Variants in IL18 observed in about 807,000 individuals in gnomAD.
The protein encoded by IL18 is interleukin 18.
IL18 carries 8 observed loss-of-function variants against 14.2 expected under a neutral mutation model. That is an observed-to-expected ratio of 0.56 (90% CI 0.33 to 1.01). The LOEUF (loss-of-function observed/expected upper bound fraction) is 1.01, where lower values mean the gene tolerates loss of function less well. Among genes scored for constraint, IL18 ranks in the 50% least tolerant of loss-of-function variants. The probability of loss-of-function intolerance (pLI) is 0.03; values close to 1 mark genes in which losing one functional copy is unlikely to be tolerated. For missense variants in IL18, 166 were observed against 231.1 expected (o/e 0.72, Z 1.83); for synonymous variants, 67 against 71.0 (o/e 0.94, Z 0.28).
intron 5 of IL18, among the ~76,000 whole-genome samples, chr11:112,148,120 G>A (rs1866373341): frequency 2.0e-5 from 3 of 152,176 alleles, no homozygotes; most frequent in Admixed American, 2.0e-4. Flanking sequence ...TGAAGCTTGT[G>A]TCTAAGACTT....
chr11:112,156,861 G>A (rs1866543224), intron 1 of IL18, among the ~76,000 whole-genome samples: 1 of 150,966 alleles, frequency 6.6e-6, no homozygotes, highest in Non-Finnish European at 1.5e-5. Context: ...AATTTTATAA[G>A]CTATTTATAA....
intron 5 of IL18, among the ~76,000 whole-genome samples, chr11:112,146,200 T>C (rs1341154386): frequency 6.6e-6 from 1 of 152,132 alleles, no homozygotes; most frequent in African/African-American, 2.4e-5. Flanking sequence ...AAACAGACAC[T>C]GACAGTAACC....
At chr11:112,154,836 C>T (rs1219948344) in intron 2 of IL18, 139 bp downstream of exon 2, 1 of 582,252 alleles carries the variant, frequency 1.7e-6, no homozygotes, top group African/African-American at 1.9e-5. Flanking sequence ...TCTAGAGGTC[C>T]ACTATTTTTT....
chr11:112,148,098 T>C (rs1866373012), intron 5 of IL18, among the ~76,000 whole-genome samples: 1 of 152,252 alleles, frequency 6.6e-6, no homozygotes, highest in East Asian at 1.9e-4. Context: ...ATAACATACA[T>C]CAACTGGAAG....
At chr11:112,148,372 G>C (rs1866377200) in intron 5 of IL18, among the ~76,000 whole-genome samples, 1 of 152,068 alleles carries the variant, frequency 6.6e-6, no homozygotes, top group African/African-American at 2.4e-5. Flanking sequence ...CCTGTGACAG[G>C]CTCAGAAAAA....
At chr11:112,153,554 T>A in intron 3 of IL18, 38 bp downstream of exon 3, 1 of 1,469,960 alleles carries the variant, frequency 6.8e-7, no homozygotes, top group Non-Finnish European at 9.3e-7. Context: ...AAGCAGATAC[T>A]TAGTTTGCAA....
intron 2 of IL18, among the ~76,000 whole-genome samples, chr11:112,154,515 A>C (rs1418975720): frequency 6.6e-6 from 1 of 152,096 alleles, no homozygotes; most frequent in Non-Finnish European, 1.5e-5. Context: ...AACAGAAAAA[A>C]AAAAAAAAGA....
chr11:112,150,846 TTCATTTTCAGC>T (rs1181090857), intron 3 of IL18: 3 of 152,250 alleles, frequency 2.0e-5, no homozygotes, highest in African/African-American at 7.2e-5. Context: ...CATCTCTGTT[TTCATTTTCAGC>T]AAATGATTTC....
At chr11:112,152,607 T>G (rs1363525898) in intron 3 of IL18, among the ~76,000 whole-genome samples, 1 of 152,210 alleles carries the variant, frequency 6.6e-6, no homozygotes, top group Non-Finnish European at 1.5e-5. Flanking sequence ...GATTGATGTG[T>G]TTAACTTCCA....
intron 2 of IL18, among the ~76,000 whole-genome samples, chr11:112,154,702 C>T (rs538410283): frequency 3.9e-5 from 6 of 152,206 alleles, no homozygotes; most frequent in African/African-American, 1.4e-4. Context: ...GGGATTTTCC[C>T]ATGAAAACTG....
intron 3 of IL18, among the ~76,000 whole-genome samples, chr11:112,151,448 TC>T (rs1183746146): frequency 6.6e-6 from 1 of 152,214 alleles, no homozygotes; most frequent in Admixed American, 6.5e-5. Flanking sequence ...CATATTATTA[TC>T]TTTTTTCATT....
At chr11:112,155,962 A>G (rs1481162279) in intron 1 of IL18, among the ~76,000 whole-genome samples, 3 of 152,082 alleles carry the variant, frequency 2.0e-5, no homozygotes, top group African/African-American at 4.8e-5. Flanking sequence ...AGAAATACCT[A>G]TTTTCTGTTG....
At position 112,163,921 on chromosome 11, in the gene IL18, T is replaced by C. The variant is rs1043998771; in HGVS notation, c.-24A>G. Reference sequence around the variant, plus strand: ...TATTTCTTACCTGCGACAAATAGTTTGTTGCGAGAGGAAGCGATCTGGAAG... The same window carrying C: ...TATTTCTTACCTGCGACAAATAGTTCGTTGCGAGAGGAAGCGATCTGGAAG... On this transcript the variant is annotated 5_prime_UTR_variant, in exon 1 of 6. Coordinates refer to ENST00000280357, the MANE Select transcript of IL18 (RefSeq NM_001562.4). The C allele has an allele frequency of 8.5e-5, 13 of 152,372 alleles. No individual in the cohort carries two copies. The highest frequency in any genetic ancestry group is 3.1e-4 in the African/African-American group (13 of 41,456). 9.4% of individuals were successfully genotyped at this position (152,372 alleles called of 1,614,324 possible). A position where few individuals can be genotyped will look rare whatever the true frequency, so the allele number is the denominator to read the frequency against.
At chr11:112,151,510 A>G (rs1203791380) in intron 3 of IL18, among the ~76,000 whole-genome samples, 1 of 152,182 alleles carries the variant, frequency 6.6e-6, no homozygotes, top group Non-Finnish European at 1.5e-5. Context: ...AAAAAGCACA[A>G]AGCTCTTTAT....
intron 4 of IL18, 95 bp from the exon 5 acceptor site, chr11:112,148,831 C>G (rs1214800520): frequency 2.9e-6 from 2 of 679,266 alleles, no homozygotes; most frequent in African/African-American, 3.8e-5. Context: ...CTTAATACAC[C>G]TGTTCCCACT....
rs192595170 is a variant in IL18, at chr11:112,155,227, A to T, written c.-8-166T>A. 5.1e-5 allele frequency: 27 copies of T among 531,456 alleles called. No individual in the cohort carries two copies. The East Asian group carries it at 6.8e-4, about 13-fold the overall frequency. 32.9% of individuals were successfully genotyped at this position (531,456 alleles called of 1,614,324 possible). A position where few individuals can be genotyped will look rare whatever the true frequency, so the allele number is the denominator to read the frequency against. ...TTCAGCTTATGAATACCCATGTTTA[A>T]GTGTTCTCTTACAAATCATCAGATA... On this transcript the variant is annotated intron_variant, in intron 1 of 5. Coordinates refer to ENST00000280357, the MANE Select transcript of IL18 (RefSeq NM_001562.4).
At chr11:112,144,431 CA>C (rs1939799251) in intron 5 of IL18, among the ~76,000 whole-genome samples, 1 of 152,090 alleles carries the variant, frequency 6.6e-6, no homozygotes, top group Non-Finnish European at 1.5e-5. Context: ...GAGAAGGGGT[CA>C]GGGGGTATCT....
chr11:112,156,421 T>C (rs5744241), intron 1 of IL18, among the ~76,000 whole-genome samples: 9,305 of 152,228 alleles, frequency 0.061, 409 homozygotes, highest in Non-Finnish European at 0.092. Context: ...ATTAAATTTA[T>C]CTTATTTAGA....
chr11:112,151,007 A>G (rs1866429210), intron 3 of IL18: 1 of 152,196 alleles, frequency 6.6e-6, no homozygotes, highest in African/African-American at 2.4e-5. Flanking sequence ...CCTCTACTGA[A>G]GCTTTAATTT....
Sources: allele counts gnomAD v4.1 joint callset (sites outside exome capture counted in the v4.1 genomes callset), GRCh38; gene constraint gnomAD v4.1.1; transcripts MANE v1.5; gene names NCBI Gene and HGNC (gene_info 2026-07-23, HGNC 2026-07-21).